Variants in TNRC6B observed in about 807,000 individuals in gnomAD.
TNRC6B encodes the protein trinucleotide repeat containing adaptor 6B.
A neutral mutation model predicts 203.6 loss-of-function variants in TNRC6B; 52 were observed. The ratio of observed to expected loss-of-function variants is 0.26; its 90% CI spans 0.20 to 0.32. The LOEUF is 0.32. TNRC6B is among the 10% of genes least tolerant of loss of function. The pLI, the probability that TNRC6B is intolerant of heterozygous loss-of-function variation, is 1.00. For missense variants in TNRC6B, 1,923 were observed against 2,286.2 expected (o/e 0.84, Z 3.24); for synonymous variants, 838 against 845.7 (o/e 0.99, Z 0.16).
intron 1 of TNRC6B, among the ~76,000 whole-genome samples, chr22:40,084,258 T>C (rs2068084322): frequency 6.6e-6 from 1 of 152,176 alleles, no homozygotes. Flanking sequence ...AAAAGTTGTT[T>C]GCATGGGACG....
At chr22:40,195,552 T>C (rs1447065175) in intron 1 of TNRC6B, among the ~76,000 whole-genome samples, 2 of 152,038 alleles carry the variant, frequency 1.3e-5, no homozygotes, top group African/African-American at 4.8e-5. Context: ...AGCCTCAAAC[T>C]GGAGCCAAAC....
At chr22:40,212,848 C>A (rs2069583712) in intron 1 of TNRC6B, among the ~76,000 whole-genome samples, 1 of 152,054 alleles carries the variant, frequency 6.6e-6, no homozygotes, top group Non-Finnish European at 1.5e-5. Context: ...CGGAGTTTCA[C>A]CATGTTGGCC....
intron 3 of TNRC6B, among the ~76,000 whole-genome samples, chr22:40,136,418 A>G (rs2068600267): frequency 1.0e-5 from 1 of 99,552 alleles, no homozygotes; most frequent in South Asian, 3.5e-4. Context: ...TTTTTTTTTG[A>G]GGCAGAGTGT....
chr22:40,219,438 G>T (rs1023310348), intron 1 of TNRC6B, among the ~76,000 whole-genome samples: 4 of 152,074 alleles, frequency 2.6e-5, no homozygotes, highest in Non-Finnish European at 5.9e-5. Context: ...CAGGAGGCCA[G>T]CAGGAGGGTG....
intron 1 of TNRC6B, among the ~76,000 whole-genome samples, chr22:40,213,783 G>T (rs187884588): frequency 3.9e-5 from 6 of 152,268 alleles, no homozygotes; most frequent in Admixed American, 2.6e-4. Flanking sequence ...GCTTTTGGGG[G>T]AAGTCTTTAC....
intron 15 of TNRC6B, among the ~76,000 whole-genome samples, chr22:40,303,662 A>C (rs1053459630): frequency 6.6e-6 from 1 of 152,150 alleles, no homozygotes; most frequent in South Asian, 2.1e-4. Context: ...CTGTAATCCC[A>C]GCACTTTGGG....
chr22:40,132,969 A>ATATATATATAT (rs1555884686), intron 3 of TNRC6B, among the ~76,000 whole-genome samples: 111 of 78,162 alleles, frequency 1.4e-3, no homozygotes, highest in African/African-American at 2.1e-3. Flanking sequence ...AAAAAAAAAA[A>ATATATATATAT]ATATATATAT....
At chr22:40,117,844 A>G (rs1231893500) in intron 2 of TNRC6B, among the ~76,000 whole-genome samples, 2 of 152,164 alleles carry the variant, frequency 1.3e-5, no homozygotes, top group Admixed American at 1.3e-4. Context: ...GTAATAAATT[A>G]TTCAATATTT....
chr22:40,163,456 CA>C (rs1180212519), intron 4 of TNRC6B, among the ~76,000 whole-genome samples: 217 of 6,998 alleles, frequency 0.031, 1 homozygote, highest in East Asian at 0.081. Flanking sequence ...GACCCTGTCT[CA>C]AAAAAAAAAA....
chr22:40,174,577 T>C (rs780068956), upstream of TNRC6B, among the ~76,000 whole-genome samples: 25 of 152,208 alleles, frequency 1.6e-4, no homozygotes, highest in Non-Finnish European at 2.6e-4. Flanking sequence ...TTCTTGTTTT[T>C]AGTTTTAGAA....
chr22:40,222,728 C>CTTTTTT lies in TNRC6B; in HGVS notation c.6-23259_6-23254dup, dbSNP rs61374373. Reference sequence around the variant, plus strand: ...ATCTTGCTGTATTCTCTCTCTCTCTCTTTTTTTTTTTTTTTTTTTTTTTTT... The same window carrying CTTTTTT: ...ATCTTGCTGTATTCTCTCTCTCTCTCTTTTTTTTTTTTTTTTTTTTTTTTTTTTTTT... On this transcript the variant is annotated intron_variant, in intron 1 of 22. Coordinates refer to ENST00000454349, the MANE Select transcript of TNRC6B (RefSeq NM_001162501.2). Among the ~76,000 whole-genome samples, 287 of 40,210 alleles carry CTTTTTT rather than the reference C, an allele frequency of 7.1e-3. 57 individuals carry two copies. The highest frequency in any genetic ancestry group is 7.5e-3 in the African/African-American group (59 of 7,870). 26.4% of individuals were successfully genotyped at this position (40,210 alleles called of 152,430 possible).
chr22:40,100,209 C>G (rs933219125), intron 1 of TNRC6B, among the ~76,000 whole-genome samples: 12 of 151,750 alleles, frequency 7.9e-5, no homozygotes, highest in African/African-American at 2.4e-4. Flanking sequence ...GCCTCAGGCT[C>G]CTGAGTAGCT....
intron 4 of TNRC6B, among the ~76,000 whole-genome samples, chr22:40,171,156 A>ATTTT (rs747786805): frequency 6.4e-5 from 8 of 124,414 alleles, no homozygotes; most frequent in East Asian, 4.5e-4. Flanking sequence ...ATAAATGCTA[A>ATTTT]TTTTTTTTTT....
rs1198036406 is a variant in TNRC6B at position 40,296,687 on chromosome 22, G to T, written c.3709-3768G>T. 5.9e-5 allele frequency among the ~76,000 whole-genome samples: 9 copies of T among 151,588 alleles called. No homozygotes were observed. In the East Asian group the frequency reaches 1.7e-3, roughly 29 times the overall value. On this transcript the variant is annotated intron_variant, in intron 12 of 22. Coordinates refer to ENST00000454349, the MANE Select transcript of TNRC6B (RefSeq NM_001162501.2). ...CTGGTGTCCAGGCTGGAGTGCAGTGGCACGATCTTTGCTTGCTGCAACCTC... is the reference window on the plus strand; with the variant it reads ...CTGGTGTCCAGGCTGGAGTGCAGTGTCACGATCTTTGCTTGCTGCAACCTC...
At chr22:40,226,920 T>C (rs1453897273) in intron 1 of TNRC6B, among the ~76,000 whole-genome samples, 4 of 151,530 alleles carry the variant, frequency 2.6e-5, no homozygotes, top group Non-Finnish European at 5.9e-5. Context: ...TTTTTGTTTT[T>C]GTTTTTTGAG....
At chr22:40,225,318 G>A (rs529589239) in intron 1 of TNRC6B, among the ~76,000 whole-genome samples, 2 of 152,288 alleles carry the variant, frequency 1.3e-5, no homozygotes, top group African/African-American at 2.4e-5. Flanking sequence ...CAAAAATACT[G>A]TATGCACTCA....
chr22:40,251,059 T>C (rs1393028059), intron 2 of TNRC6B, 120 bp from the exon 3 acceptor site: 8 of 707,550 alleles, frequency 1.1e-5, no homozygotes, highest in African/African-American at 5.6e-5. Context: ...TTTCTGGATT[T>C]CAGCTATGCC....
rs746449538 is a variant in TNRC6B at position 40,270,152 on chromosome 22, A to G, written c.2837A>G (p.Asp946Gly). The change falls in exon 6 of 23, where the codon GAT becomes GGT. Residue 946 changes from aspartate to glycine, a missense_variant. By Grantham distance (94) the Asp-to-Gly change is moderately conservative. Transcript: ENST00000454349. ...AGCAAAAGCACACCACCTGCTCCAG[A>G]TAATGGTACTTCCGCTTGGGGTGAG... The part of the protein sequence containing the change: ...VWSKSTPPAP[D>G]NGTSAWGEPN... The G allele has an allele frequency of 5.0e-6, 8 of 1,588,110 alleles. No individual in the cohort carries two copies. In the South Asian group the frequency reaches 8.1e-5, roughly 16 times the overall value.
At chr22:40,272,489 C>T (rs1476376180) in intron 6 of TNRC6B, among the ~76,000 whole-genome samples, 1 of 152,212 alleles carries the variant, frequency 6.6e-6, no homozygotes, top group Non-Finnish European at 1.5e-5. Context: ...AATCAGAAGA[C>T]TTTCATAAAT....
Sources: allele counts gnomAD v4.1 joint callset (sites outside exome capture counted in the v4.1 genomes callset), GRCh38; gene constraint gnomAD v4.1.1; transcripts MANE v1.5; gene names NCBI Gene and HGNC (gene_info 2026-07-23, HGNC 2026-07-21).